SORBS2: variants seen among roughly 807,000 people sequenced by gnomAD.
The protein encoded by SORBS2 is sorbin and SH3 domain-containing protein 2.
A neutral mutation model predicts 97.7 loss-of-function variants in SORBS2; 46 were observed. The observed-to-expected ratio is 0.47, with a 90% CI of 0.37 to 0.60. SORBS2 has a LOEUF of 0.60. Ranked by LOEUF, SORBS2 falls within the 20% of genes least tolerant of loss-of-function variation. The pLI is 0.00. For synonymous variants in SORBS2, 476 were observed against 473.4 expected, an observed-to-expected ratio of 1.01 and a Z score of -0.07; for missense variants, 1,316 against 1,282.3, an observed-to-expected ratio of 1.03 and a Z score of -0.40.
Position 185,700,359 on chromosome 4 carries a change from G to T in SORBS2, c.-197-21537C>A, listed in dbSNP as rs11942006. Among the ~76,000 whole-genome samples the T allele has an allele frequency of 1.8e-3, 249 of 139,898 alleles. 2 individuals are homozygous for T. Among genetic ancestry groups the T allele is most frequent in the Admixed American group, 0.016 (227 of 13,896 alleles). 91.8% of individuals were successfully genotyped at this position (139,898 alleles called of 152,430 possible). On this transcript the variant is annotated intron_variant, in intron 2 of 20. Transcript: ENST00000284776. ...GCAGGCTTTGGAGGCTGTGCTGGGT[G>T]GGGGGAGGGTCACAGAACGATATGG...
chr4:185,718,695 T>G lies in SORBS2; in HGVS notation c.-197-39873A>C, dbSNP rs148875968. On this transcript the variant is annotated intron_variant, in intron 2 of 20. Coordinates refer to the SORBS2 transcript ENST00000284776. ...TTCTGAATGTCAAGCAACAAAACAA[T>G]GCACTTCTTTGGGAGAGCTGGGGCA... 8.5e-4 allele frequency among the ~76,000 whole-genome samples: 129 copies of G among 152,298 alleles called. 1 individual carries two copies. The highest frequency in any genetic ancestry group is 3.0e-3 in the African/African-American group (126 of 41,566).
At chr4:185,637,978 C>G (rs1210310481) in intron 4 of SORBS2, 101 bp downstream of exon 15, 8 of 777,792 alleles carry the variant, frequency 1.0e-5, no homozygotes, top group Admixed American at 7.2e-5. Context: ...TGCATTCGGC[C>G]TTTGTTCTCT....
chr4:185,648,849 G>A (rs979102928), intron 3 of SORBS2, among the ~76,000 whole-genome samples: 31 of 152,182 alleles, frequency 2.0e-4, no homozygotes, highest in African/African-American at 7.2e-4. Flanking sequence ...ACTTAGCCTA[G>A]TGCTTGGCTT....
intron 7 of SORBS2, among the ~76,000 whole-genome samples, chr4:185,620,738 T>C (rs2096707703): frequency 1.3e-5 from 2 of 152,204 alleles, no homozygotes; most frequent in South Asian, 2.1e-4. Context: ...AATCTCAAGA[T>C]GCCATGCTGT....
intron 1 of SORBS2, among the ~76,000 whole-genome samples, chr4:185,925,083 C>A (rs1352789244): frequency 2.6e-5 from 4 of 152,074 alleles, no homozygotes; most frequent in Non-Finnish European, 5.9e-5. Context: ...ATGTTGAGAC[C>A]AAAAACACAA....
At chr4:185,886,554 C>CAAAAAAAAAAAAAAAAAAAAAAAAAA (rs1198439527) in intron 1 of SORBS2, among the ~76,000 whole-genome samples, 1 of 72,948 alleles carries the variant, frequency 1.4e-5, no homozygotes, top group African/African-American at 6.1e-5. Context: ...GACTCTGTCT[C>CAAAAAAAAAAAAAAAAAAAAAAAAAA]AAAAAAAAAA....
chr4:185,718,539 T>C (rs2098484695), intron 2 of SORBS2, among the ~76,000 whole-genome samples: 1 of 152,220 alleles, frequency 6.6e-6, no homozygotes, highest in South Asian at 2.1e-4. Context: ...GTCTTGTTGG[T>C]TGCTGATCAC....
At chr4:185,727,168 G>A (rs955751162) in intron 2 of SORBS2, among the ~76,000 whole-genome samples, 3 of 152,150 alleles carry the variant, frequency 2.0e-5, no homozygotes, top group Non-Finnish European at 4.4e-5. Context: ...GCTACTAAAC[G>A]AGTCATTCAC....
At chr4:185,945,886 G>A (rs2099274277) in intron 1 of SORBS2, among the ~76,000 whole-genome samples, 1 of 152,160 alleles carries the variant, frequency 6.6e-6, no homozygotes, top group African/African-American at 2.4e-5. Context: ...GGAAGAAGCA[G>A]CAGCAGTCAG....
chr4:185,723,511 T>C (rs1157038252), intron 2 of SORBS2, among the ~76,000 whole-genome samples: 3 of 152,230 alleles, frequency 2.0e-5, no homozygotes, highest in African/African-American at 7.2e-5. Flanking sequence ...GGACAGCCCG[T>C]ACCAGTGCAC....
chr4:185,805,374 G>A (rs2099148850), intron 1 of SORBS2, among the ~76,000 whole-genome samples: 1 of 152,094 alleles, frequency 6.6e-6, no homozygotes, highest in Non-Finnish European at 1.5e-5. Context: ...CTAATCATGT[G>A]TTGGCATTAG....
At chr4:185,848,231 T>A (rs2099215653) in intron 1 of SORBS2, among the ~76,000 whole-genome samples, 1 of 152,204 alleles carries the variant, frequency 6.6e-6, no homozygotes, top group Admixed American at 6.5e-5. Flanking sequence ...GTCCCCATGA[T>A]GATTCTGGGC....
chr4:185,810,929 G>A (rs2099178859), intron 1 of SORBS2: 1 of 152,174 alleles, frequency 6.6e-6, no homozygotes, highest in Admixed American at 6.5e-5. Context: ...AAGTTTTACT[G>A]CCACATACCT....
chr4:185,715,739 G>A (rs1269836172), intron 2 of SORBS2, among the ~76,000 whole-genome samples: 1 of 152,194 alleles, frequency 6.6e-6, no homozygotes, highest in African/African-American at 2.4e-5. Context: ...ATATGCAGGA[G>A]TGACAGCTCC....
At position 185,652,741 on chromosome 4, in the gene SORBS2, G is replaced by A. The variant is rs781222750; in HGVS notation, c.25-13C>T. The A allele has an allele frequency of 5.6e-6, 9 of 1,610,310 alleles. No homozygotes were observed. The highest frequency in any genetic ancestry group is 1.1e-5 in the South Asian group (1 of 90,938). ...GCCGGTCGACTGTCTGTAATGAAGA[G>A]AGCGTCCAATGGTTACAAACTGGCT... On this transcript the variant is annotated splice_polypyrimidine_tract_variant and intron_variant, in intron 1 of 14. Coordinates refer to ENST00000418609, the Ensembl canonical transcript of SORBS2.
intron 1 of SORBS2, among the ~76,000 whole-genome samples, chr4:185,934,025 T>C (rs2099267717): frequency 6.6e-6 from 1 of 152,128 alleles, no homozygotes; most frequent in South Asian, 2.1e-4. Flanking sequence ...AAAGCATTTT[T>C]CCCCATAGGA....
At chr4:185,950,490 G>A (rs1350189101) in intron 1 of SORBS2, among the ~76,000 whole-genome samples, 1 of 152,156 alleles carries the variant, frequency 6.6e-6, no homozygotes, top group African/African-American at 2.4e-5. Context: ...TATATTCTGT[G>A]CAGGTTGAGG....
At chr4:185,826,438 T>C in intron 1 of SORBS2, among the ~76,000 whole-genome samples, 1 of 152,220 alleles carries the variant, frequency 6.6e-6, no homozygotes. Context: ...GGAGTTTTCT[T>C]ATAAATCTTT....
chr4:185,675,129 T>A (rs534655760), intron 4 of SORBS2: 11 of 152,324 alleles, frequency 7.2e-5, no homozygotes, highest in African/African-American at 2.6e-4. Flanking sequence ...GGGGATAATA[T>A]AATCAAACTA....
Sources: allele counts gnomAD v4.1 joint callset (sites outside exome capture counted in the v4.1 genomes callset), GRCh38; gene constraint gnomAD v4.1.1; transcripts MANE v1.5; gene names NCBI Gene and HGNC (gene_info 2026-07-23, HGNC 2026-07-21).